The following TAS2R1 variants were observed in gnomAD, a reference collection of about 807,000 sequenced individuals.
TAS2R1 encodes taste receptor type 2 member 1.
For synonymous variants in TAS2R1, 141 were observed against 134.2 expected, an observed-to-expected ratio of 1.05 and a Z score of -0.35; for missense variants, 370 against 353.4, an observed-to-expected ratio of 1.05 and a Z score of -0.38.
intron 2 of TAS2R1, among the ~76,000 whole-genome samples, chr5:9,654,048 A>C (rs777762780): frequency 1.2e-4 from 18 of 152,190 alleles, no homozygotes; most frequent in Admixed American, 6.5e-5. Context: ...GCGTGCCATG[A>C]GAGTGTCACA....
the TAS2R1 span, among the ~76,000 whole-genome samples, chr5:9,748,379 T>G: frequency 6.6e-6 from 1 of 152,200 alleles, no homozygotes; most frequent in Non-Finnish European, 1.5e-5. Flanking sequence ...CAATGTTATT[T>G]GATGCTCAAC....
At chr5:9,749,511 A>T in the TAS2R1 span, among the ~76,000 whole-genome samples, 4 of 152,238 alleles carry the variant, frequency 2.6e-5, no homozygotes, top group Non-Finnish European at 4.4e-5. Context: ...AGGAATGAAC[A>T]GGAATGTTAA....
the TAS2R1 span, among the ~76,000 whole-genome samples, chr5:9,780,710 C>T: frequency 1.6e-4 from 25 of 152,192 alleles, no homozygotes; most frequent in Admixed American, 1.1e-3. Flanking sequence ...CGCGCATGCA[C>T]GCACATGTGC....
chr5:9,725,568 G>A, the TAS2R1 span, among the ~76,000 whole-genome samples: 8 of 152,194 alleles, frequency 5.3e-5, no homozygotes, highest in South Asian at 2.1e-4. Flanking sequence ...GGCAGGGCTC[G>A]GGACCTGCAG....
the TAS2R1 span, among the ~76,000 whole-genome samples, chr5:9,755,450 G>A: frequency 1.3e-5 from 2 of 151,962 alleles, no homozygotes; most frequent in African/African-American, 4.8e-5. Flanking sequence ...AGCCAGGCGT[G>A]GTAGCGTGCG....
the TAS2R1 span, among the ~76,000 whole-genome samples, chr5:9,755,132 T>C: frequency 1.3e-5 from 2 of 152,144 alleles, no homozygotes; most frequent in Non-Finnish European, 2.9e-5. Flanking sequence ...ACTTTCAGCC[T>C]AAGAAGAGTC....
At chr5:9,752,875 A>G in the TAS2R1 span, among the ~76,000 whole-genome samples, 1 of 152,204 alleles carries the variant, frequency 6.6e-6, no homozygotes, top group Non-Finnish European at 1.5e-5. Flanking sequence ...AAAGGACATG[A>G]ACTCATCCTT....
the TAS2R1 span, among the ~76,000 whole-genome samples, chr5:9,872,045 C>T: frequency 6.6e-6 from 1 of 152,106 alleles, no homozygotes; most frequent in East Asian, 1.9e-4. Flanking sequence ...TATATATGGG[C>T]ATAAATATTC....
At chr5:9,802,920 G>A in the TAS2R1 span, among the ~76,000 whole-genome samples, 2 of 152,040 alleles carry the variant, frequency 1.3e-5, no homozygotes, top group African/African-American at 4.8e-5. Context: ...AAATAAAAAA[G>A]AATTAAGAAG....
the TAS2R1 span, among the ~76,000 whole-genome samples, chr5:9,873,597 T>C: frequency 1.3e-5 from 2 of 151,890 alleles, no homozygotes; most frequent in Admixed American, 6.6e-5. Flanking sequence ...CTGGGCTCGG[T>C]GGCTCACACC....
intron 2 of TAS2R1, among the ~76,000 whole-genome samples, chr5:9,650,328 T>C (rs1243424355): frequency 6.6e-6 from 1 of 151,940 alleles, no homozygotes; most frequent in Non-Finnish European, 1.5e-5. Context: ...TGCCCCTGAA[T>C]GCTGGGGAAA....
At chr5:9,862,514 G>A in the TAS2R1 span, among the ~76,000 whole-genome samples, 2 of 152,132 alleles carry the variant, frequency 1.3e-5, no homozygotes, top group Non-Finnish European at 2.9e-5. Context: ...CCTGGATAAG[G>A]AGATTTATAA....
upstream of TAS2R1, among the ~76,000 whole-genome samples, chr5:9,633,294 T>TATATATATATATATATA (rs1476544403): frequency 7.7e-4 from 52 of 67,788 alleles, no homozygotes; most frequent in East Asian, 9.5e-3. Context: ...TGTGTGTATA[T>TATATATATATATATATA]TATATATATA....
At chr5:9,758,670 A>G in the TAS2R1 span, among the ~76,000 whole-genome samples, 1 of 152,174 alleles carries the variant, frequency 6.6e-6, no homozygotes, top group East Asian at 1.9e-4. Context: ...AAAACAAAAC[A>G]CAAAATCAGG....
At chr5:9,803,679 G>A in the TAS2R1 span, among the ~76,000 whole-genome samples, 4 of 152,168 alleles carry the variant, frequency 2.6e-5, no homozygotes, top group South Asian at 2.1e-4. Flanking sequence ...GTCTTTTCCA[G>A]ACAAACAAAT....
the TAS2R1 span, among the ~76,000 whole-genome samples, chr5:9,736,098 C>T: frequency 5.9e-5 from 9 of 152,292 alleles, no homozygotes; most frequent in Non-Finnish European, 7.4e-5. Context: ...TTTCACTTAA[C>T]GCACAGCTTT....
chr5:9,886,402 G>A, the TAS2R1 span, among the ~76,000 whole-genome samples: 7 of 137,618 alleles, frequency 5.1e-5, no homozygotes, highest in East Asian at 2.2e-4. Flanking sequence ...TGGTGCAATC[G>A]TGGCTCACTG....
At chr5:9,855,007 G>GC in the TAS2R1 span, among the ~76,000 whole-genome samples, 5 of 152,298 alleles carry the variant, frequency 3.3e-5, no homozygotes, top group East Asian at 9.6e-4. Context: ...TGTTTCGAGA[G>GC]CCCCCAGCTA....
chr5:9,729,657 C>A, the TAS2R1 span, among the ~76,000 whole-genome samples: 1 of 152,094 alleles, frequency 6.6e-6, no homozygotes, highest in Non-Finnish European at 1.5e-5. Context: ...TAGTTTAAAG[C>A]AGGCACGCGT....
Sources: allele counts gnomAD v4.1 joint callset (sites outside exome capture counted in the v4.1 genomes callset), GRCh38; gene constraint gnomAD v4.1.1; transcripts MANE v1.5; gene names NCBI Gene and HGNC (gene_info 2026-07-23, HGNC 2026-07-21).